Variants in ZNF385D observed in about 807,000 individuals in gnomAD.
ZNF385D encodes zinc finger protein 659.
In ZNF385D, 15 loss-of-function variants were observed where a neutral mutation model predicts 35.8. The ratio of observed to expected loss-of-function variants is 0.42; its 90% CI spans 0.28 to 0.64. The LOEUF (loss-of-function observed/expected upper bound fraction) is 0.64, where lower values mean the gene tolerates loss of function less well. ZNF385D is among the 30% of genes least tolerant of loss of function. The pLI, the probability that ZNF385D is intolerant of heterozygous loss-of-function variation, is 0.23. For missense variants in ZNF385D, 474 were observed against 494.6 expected, an observed-to-expected ratio of 0.96 and a Z score of 0.39; for synonymous variants, 212 against 186.8, an observed-to-expected ratio of 1.13 and a Z score of -1.10.
At chr3:21,965,114 A>T (rs1261103826) in intron 3 of ZNF385D, among the ~76,000 whole-genome samples, 3 of 152,204 alleles carry the variant, frequency 2.0e-5, no homozygotes, top group Non-Finnish European at 2.9e-5. Flanking sequence ...TATGAAGAGA[A>T]GAGATCTATG....
intron 3 of ZNF385D, among the ~76,000 whole-genome samples, chr3:21,758,105 G>A (rs897378820): frequency 3.9e-5 from 6 of 152,120 alleles, no homozygotes; most frequent in Non-Finnish European, 5.9e-5. Flanking sequence ...CCAGGCTTAT[G>A]TCAAATTCAC....
chr3:21,943,248 G>T (rs776942703), intron 3 of ZNF385D, among the ~76,000 whole-genome samples: 7 of 151,488 alleles, frequency 4.6e-5, no homozygotes, highest in Non-Finnish European at 7.4e-5. Context: ...ATACTAAATG[G>T]ATATATTCAC....
chr3:22,007,838 T>G (rs1047069022), intron 3 of ZNF385D, among the ~76,000 whole-genome samples: 11 of 151,294 alleles, frequency 7.3e-5, no homozygotes, highest in Non-Finnish European at 1.2e-4. Context: ...TTTTATATAA[T>G]TTATATAGTT....
At chr3:21,655,342 C>A (rs1345952632) in intron 2 of ZNF385D, among the ~76,000 whole-genome samples, 1 of 151,934 alleles carries the variant, frequency 6.6e-6, no homozygotes, top group East Asian at 1.9e-4. Flanking sequence ...CTTTTAGATT[C>A]AAAGTTTAGT....
intron 1 of ZNF385D, among the ~76,000 whole-genome samples, chr3:21,695,344 A>G (rs934988685): frequency 5.3e-5 from 8 of 152,184 alleles, no homozygotes; most frequent in Non-Finnish European, 1.0e-4. Flanking sequence ...GCTGAGAGAA[A>G]GTGAAGCTGA....
At position 22,317,686 on chromosome 3, in the gene ZNF385D, C is replaced by T. The variant is rs181923452; in HGVS notation, c.106+54764G>A. 2.0e-4 allele frequency among the ~76,000 whole-genome samples: 30 copies of T among 152,254 alleles called. 1 individual carries two copies. Among genetic ancestry groups the T allele is most frequent in the Admixed American group, 5.2e-4 (8 of 15,282 alleles). The stretch of plus-strand genomic sequence containing the variant: ...AACTTCTGTTCCTACTGGGTAATAA[C>T]GGTAATTACACTACAAGTCATCAGT... On this transcript the variant is annotated intron_variant, in intron 2 of 5. Coordinates refer to the ZNF385D transcript ENST00000494108.
chr3:22,176,799 T>G (rs1301933143), intron 2 of ZNF385D, among the ~76,000 whole-genome samples: 1 of 152,134 alleles, frequency 6.6e-6, no homozygotes, highest in African/African-American at 2.4e-5. Flanking sequence ...CTAAAATATT[T>G]TTGAGGCCAA....
intron 4 of ZNF385D, among the ~76,000 whole-genome samples, chr3:21,450,523 G>A (rs1702395974): frequency 6.6e-6 from 1 of 152,146 alleles, no homozygotes; most frequent in African/African-American, 2.4e-5. Context: ...GAAAAGTGAT[G>A]AAGGATTGGG....
At chr3:22,242,511 C>A (rs541081598) in intron 2 of ZNF385D, among the ~76,000 whole-genome samples, 3 of 150,706 alleles carry the variant, frequency 2.0e-5, no homozygotes, top group Non-Finnish European at 4.4e-5. Flanking sequence ...TAATTCCAAT[C>A]TAATTATGAG....
At chr3:21,750,749 G>C in intron 1 of ZNF385D, 146 bp downstream of exon 1, 1 of 905,060 alleles carries the variant, frequency 1.1e-6, no homozygotes, top group Non-Finnish European at 1.7e-6. Context: ...AGCTTTGAAG[G>C]CTGCACCGGC....
chr3:21,980,509 G>C (rs563313477), intron 3 of ZNF385D, among the ~76,000 whole-genome samples: 1 of 152,234 alleles, frequency 6.6e-6, no homozygotes, highest in East Asian at 1.9e-4. Flanking sequence ...CTCTTGGAAT[G>C]AACCACATGA....
At chr3:22,134,575 T>C (rs1703993994) in intron 3 of ZNF385D, among the ~76,000 whole-genome samples, 2 of 152,126 alleles carry the variant, frequency 1.3e-5, no homozygotes. Flanking sequence ...CAAGCATACA[T>C]GGGACATTTA....
At chr3:22,163,505 A>C (rs954208657) in intron 3 of ZNF385D, among the ~76,000 whole-genome samples, 12 of 152,238 alleles carry the variant, frequency 7.9e-5, no homozygotes, top group Non-Finnish European at 1.3e-4. Context: ...TGTGAAAAAC[A>C]TTTTAGATAT....
intron 3 of ZNF385D, among the ~76,000 whole-genome samples, chr3:21,772,974 T>C (rs547874464): frequency 6.6e-6 from 1 of 152,014 alleles, no homozygotes; most frequent in South Asian, 2.1e-4. Flanking sequence ...TACTGTATGA[T>C]TCCACTTTTA....
At chr3:21,690,215 A>G (rs901547905) in intron 1 of ZNF385D, among the ~76,000 whole-genome samples, 1 of 152,152 alleles carries the variant, frequency 6.6e-6, no homozygotes, top group African/African-American at 2.4e-5. Context: ...GTGCATATAT[A>G]CATATATACA....
Position 21,901,512 on chromosome 3 carries a change from G to A in ZNF385D, c.326-236484C>T, listed in dbSNP as rs259484. On this transcript the variant is annotated intron_variant, in intron 3 of 5. Coordinates refer to the ZNF385D transcript ENST00000494108. Reference sequence around the variant, plus strand: ...GATAGTTACAGGAGTAATAAAAATGGTTGGTGTGCATTGCATGCATTGTGG... The same window carrying A: ...GATAGTTACAGGAGTAATAAAAATGATTGGTGTGCATTGCATGCATTGTGG... Among the ~76,000 whole-genome samples, 17 of 152,150 alleles carry A rather than the reference G, an allele frequency of 1.1e-4. No homozygotes were observed. The East Asian group carries it at 2.7e-3, about 24-fold the overall frequency.
rs560986235 is a variant in ZNF385D, at chr3:22,278,915, CT to C, written c.106+93534del. Among the ~76,000 whole-genome samples, 702 of 152,180 alleles carry C rather than the reference CT, an allele frequency of 4.6e-3. 1 individual carries two copies. Among genetic ancestry groups the C allele is most frequent in the Middle Eastern group, 0.014 (4 of 294 alleles). The stretch of plus-strand genomic sequence containing the variant: ...TCTAAATGCTACCTGCAGTTTTCTC[CT>C]GCATCTCCCACAGCCCTTACTCGCT... On this transcript the variant is annotated intron_variant, in intron 2 of 5. Coordinates refer to the ZNF385D transcript ENST00000494108.
At chr3:22,330,604 T>G (rs1354920945) in intron 2 of ZNF385D, among the ~76,000 whole-genome samples, 1 of 152,144 alleles carries the variant, frequency 6.6e-6, no homozygotes, top group Non-Finnish European at 1.5e-5. Context: ...ACAAAATGCT[T>G]CAGTTTTTCT....
rs117269202 is a variant in ZNF385D, at chr3:22,156,446, G to C, written c.325+12371C>G. Among the ~76,000 whole-genome samples, 298 of 152,144 alleles carry C rather than the reference G, an allele frequency of 2.0e-3. 7 individuals are homozygous for C. The East Asian group carries it at 0.036, about 19-fold the overall frequency. On this transcript the variant is annotated intron_variant, in intron 3 of 5. Coordinates refer to the ZNF385D transcript ENST00000494108. ...CAAATTAACTGCAATGCTCAGGATT[G>C]ATTCACAACCACCAGAGCTAGGTTT...
Sources: allele counts gnomAD v4.1 joint callset (sites outside exome capture counted in the v4.1 genomes callset), GRCh38; gene constraint gnomAD v4.1.1; transcripts MANE v1.5; gene names NCBI Gene and HGNC (gene_info 2026-07-23, HGNC 2026-07-21).